GLIS3: variants seen among roughly 807,000 people sequenced by gnomAD.
GLIS3 encodes the protein zinc finger protein GLIS3.
In GLIS3, 53 loss-of-function variants were observed where a neutral mutation model predicts 78.6. The ratio of observed to expected loss-of-function variants is 0.67; its 90% CI spans 0.54 to 0.85. The LOEUF is 0.85. Ranked by LOEUF, GLIS3 falls within the 40% of genes least tolerant of loss-of-function variation. GLIS3 has a pLI of 0.00. For synonymous variants in GLIS3, 684 were observed against 509.9 expected (o/e 1.34, Z -4.60); for missense variants, 1,703 against 1,231.1 (o/e 1.38, Z -5.74).
intron 4 of GLIS3, among the ~76,000 whole-genome samples, chr9:4,062,294 C>T (rs1192461563): frequency 1.3e-5 from 2 of 152,016 alleles, no homozygotes; most frequent in Admixed American, 1.3e-4. Flanking sequence ...CCTTGAGGAC[C>T]GACTGTCAGT....
At chr9:4,486,294 G>A in the GLIS3 span, among the ~76,000 whole-genome samples, 66 of 152,216 alleles carry the variant, frequency 4.3e-4, 1 homozygote, top group African/African-American at 1.4e-3. Context: ...CTTTATCTGC[G>A]TAAGATTCAG....
chr9:3,886,434 T>C (rs1048638079), intron 7 of GLIS3, among the ~76,000 whole-genome samples: 12 of 152,248 alleles, frequency 7.9e-5, no homozygotes, highest in Non-Finnish European at 1.5e-4. Flanking sequence ...TTTTCATGCA[T>C]GACTGCACTT....
intron 4 of GLIS3, chr9:4,071,454 T>C (rs1348117437): frequency 1.3e-5 from 2 of 152,232 alleles, no homozygotes; most frequent in South Asian, 2.1e-4. Flanking sequence ...CAATGAGATA[T>C]GATGGGGTTA....
intron 4 of GLIS3, among the ~76,000 whole-genome samples, chr9:4,041,326 G>C (rs1824794380): frequency 6.6e-6 from 1 of 152,168 alleles, no homozygotes; most frequent in African/African-American, 2.4e-5. Context: ...ACATCCTACA[G>C]TGCACAGAAC....
At chr9:4,349,443 C>T (rs1412275037), upstream of GLIS3, among the ~76,000 whole-genome samples, 1 of 152,048 alleles carries the variant, frequency 6.6e-6, no homozygotes, top group Non-Finnish European at 1.5e-5. Context: ...GCATACAATA[C>T]CCTCTCGTAG....
At chr9:4,135,580 T>C (rs548184248) in intron 2 of GLIS3, among the ~76,000 whole-genome samples, 1 of 152,278 alleles carries the variant, frequency 6.6e-6, no homozygotes, top group Non-Finnish European at 1.5e-5. Context: ...ATTACTCAAA[T>C]AACATATCTA....
At chr9:4,264,268 G>A (rs1310423740) in intron 2 of GLIS3, among the ~76,000 whole-genome samples, 1 of 151,916 alleles carries the variant, frequency 6.6e-6, no homozygotes, top group Non-Finnish European at 1.5e-5. Context: ...AGTCCCATTG[G>A]CTCTACCTTC....
rs769215385 is a variant in GLIS3, at chr9:3,829,506, A to C, written c.2474-14T>G. 41 of 1,613,936 alleles carry C rather than the reference A, an allele frequency of 2.5e-5. No homozygotes were observed. Among genetic ancestry groups the C allele is most frequent in the Non-Finnish European group, 3.5e-5 (41 of 1,179,920 alleles). Reference sequence around the variant, plus strand: ...GCCCATAAAATCCTGAAACGCAAGCATGGCATTGAGCACAAGTTCCTTTGG... The same window carrying C: ...GCCCATAAAATCCTGAAACGCAAGCCTGGCATTGAGCACAAGTTCCTTTGG... On this transcript the variant is annotated splice_polypyrimidine_tract_variant and intron_variant, in intron 9 of 10. Transcript: ENST00000381971.
intron 9 of GLIS3, among the ~76,000 whole-genome samples, chr9:3,855,025 C>G (rs7851472): frequency 6.6e-6 from 1 of 152,134 alleles, no homozygotes; most frequent in African/African-American, 2.4e-5. Flanking sequence ...AGGTAGAGGA[C>G]AGTAGTATTT....
At chr9:4,003,081 C>A (rs116475979) in intron 4 of GLIS3, among the ~76,000 whole-genome samples, 2,736 of 152,198 alleles carry the variant, frequency 0.018, 83 homozygotes, top group African/African-American at 0.062. Flanking sequence ...TACTACTTTT[C>A]AAAAGTTTTA....
chr9:4,309,364 T>G (rs1817304315), intron 3 of GLIS3, among the ~76,000 whole-genome samples: 1 of 152,228 alleles, frequency 6.6e-6, no homozygotes, highest in South Asian at 2.1e-4. Context: ...AACAAGTCAT[T>G]TAAACAATTT....
chr9:4,288,663 G>A (rs149884702), intron 1 of GLIS3, among the ~76,000 whole-genome samples: 6 of 152,272 alleles, frequency 3.9e-5, no homozygotes, highest in Admixed American at 6.5e-5. Context: ...ACATCTGCCT[G>A]TCTTGGAATG....
chr9:4,441,007 C>A, the GLIS3 span, among the ~76,000 whole-genome samples: 1 of 151,806 alleles, frequency 6.6e-6, no homozygotes, highest in East Asian at 1.9e-4. Flanking sequence ...GATTTTGTAT[C>A]CTGCAACTTT....
chr9:4,045,047 G>C (rs1231906202), intron 4 of GLIS3, among the ~76,000 whole-genome samples: 1 of 152,154 alleles, frequency 6.6e-6, no homozygotes, highest in Admixed American at 6.6e-5. Flanking sequence ...TTTTAGCATA[G>C]GACTAGGGTG....
At chr9:4,024,188 C>A (rs1441147093) in intron 4 of GLIS3, among the ~76,000 whole-genome samples, 1 of 152,104 alleles carries the variant, frequency 6.6e-6, no homozygotes, top group Non-Finnish European at 1.5e-5. Flanking sequence ...ATCCATGCAA[C>A]CCCCCAGTCT....
At chr9:4,469,982 C>T in the GLIS3 span, among the ~76,000 whole-genome samples, 25 of 151,464 alleles carry the variant, frequency 1.7e-4, no homozygotes, top group African/African-American at 6.0e-4. Context: ...CACAAACTAC[C>T]ATCAGAGAAC....
At chr9:4,334,970 G>A (rs1022274504) in intron 2 of GLIS3, among the ~76,000 whole-genome samples, 21 of 134,978 alleles carry the variant, frequency 1.6e-4, no homozygotes, top group Non-Finnish European at 2.1e-4. Flanking sequence ...GTGCAGTGGT[G>A]TGATCTCGGC....
intron 7 of GLIS3, among the ~76,000 whole-genome samples, chr9:3,896,527 G>A (rs980352255): frequency 2.0e-5 from 3 of 151,778 alleles, no homozygotes; most frequent in Non-Finnish European, 4.4e-5. Context: ...CTACCCAGGT[G>A]TGGTGGTGCA....
chr9:4,464,548 C>G, the GLIS3 span, among the ~76,000 whole-genome samples: 2 of 152,050 alleles, frequency 1.3e-5, no homozygotes, highest in African/African-American at 4.8e-5. Flanking sequence ...GTGCCCACCA[C>G]AACACCAGCA....
Sources: allele counts gnomAD v4.1 joint callset (sites outside exome capture counted in the v4.1 genomes callset), GRCh38; gene constraint gnomAD v4.1.1; transcripts MANE v1.5; gene names NCBI Gene and HGNC (gene_info 2026-07-23, HGNC 2026-07-21).